RPS6KA2: variants seen among roughly 807,000 people sequenced by gnomAD.
The protein encoded by RPS6KA2 is ribosomal protein S6 kinase alpha-2.
Under a neutral mutation model 91.8 loss-of-function variants are expected in RPS6KA2, and 42 were observed. That is an observed-to-expected ratio of 0.46 (90% CI 0.36 to 0.59). RPS6KA2 has a LOEUF of 0.59. Among genes scored for constraint, RPS6KA2 ranks in the 20% least tolerant of loss-of-function variants. The pLI is 0.00. For synonymous variants in RPS6KA2, 414 were observed against 393.6 expected (o/e 1.05, Z -0.61); for missense variants, 798 against 978.5 (o/e 0.82, Z 2.46).
chr6:166,630,407 G>A (rs1050730969), upstream of RPS6KA2, among the ~76,000 whole-genome samples: 5 of 152,344 alleles, frequency 3.3e-5, no homozygotes, highest in South Asian at 2.1e-4. Context: ...TCAATAAAAC[G>A]CTAAATTGCA....
At chr6:166,440,550 C>A (rs1207252091) in intron 14 of RPS6KA2, among the ~76,000 whole-genome samples, 2 of 152,222 alleles carry the variant, frequency 1.3e-5, no homozygotes, top group Non-Finnish European at 2.9e-5. Flanking sequence ...ATATCAGAAT[C>A]ATCTGAATCA....
At chr6:166,440,175 A>G (rs2128450243) in intron 14 of RPS6KA2, 1 of 152,350 alleles carries the variant, frequency 6.6e-6, no homozygotes, top group South Asian at 2.1e-4. Context: ...ATAGGAAACT[A>G]GCCTGTGTTG....
chr6:166,508,134 C>G lies in RPS6KA2; in HGVS notation c.459+69G>C. ...GCTCACGTCCTCTCAATGCTCTCCA[C>G]CCCTCCTCCCCTCGAGTCCCAGACA... On this transcript the variant is annotated intron_variant, in intron 5 of 20. Coordinates refer to ENST00000265678, the MANE Select transcript of RPS6KA2 (RefSeq NM_021135.6). This position sits in a 1 kb window ranked among gnomAD's most constrained non-coding sequence, Gnocchi z 4.3. 2.0e-6 allele frequency: 2 copies of G among 997,716 alleles called. No individual in the cohort carries two copies. The highest frequency in any genetic ancestry group is 1.6e-6 in the Non-Finnish European group (1 of 636,580). The allele number at this position is 997,716 out of a possible 1,614,324, so 61.8% of individuals were successfully genotyped here. A position where few individuals can be genotyped will look rare whatever the true frequency, so the allele number is the denominator to read the frequency against.
intron 2 of RPS6KA2, among the ~76,000 whole-genome samples, chr6:166,641,096 G>A (rs1353717335): frequency 6.6e-6 from 1 of 152,124 alleles, no homozygotes; most frequent in Non-Finnish European, 1.5e-5. Flanking sequence ...GCAAATGTAA[G>A]TACAATCAGG....
intron 1 of RPS6KA2, among the ~76,000 whole-genome samples, chr6:166,578,429 G>A (rs149715093): frequency 1.6e-3 from 243 of 152,342 alleles, no homozygotes; most frequent in Admixed American, 3.0e-3. Context: ...TTATGTAGGA[G>A]CTGGGTGACC....
intron 8 of RPS6KA2, among the ~76,000 whole-genome samples, chr6:166,498,153 T>C (rs1260263773): frequency 6.6e-6 from 1 of 152,226 alleles, no homozygotes; most frequent in Non-Finnish European, 1.5e-5. Flanking sequence ...TCTCAGTTTG[T>C]AACTAAGCGC....
At position 166,648,135 on chromosome 6, in the gene RPS6KA2, TGCACACAC is replaced by T. The variant is rs1353849823; in HGVS notation, c.124-109359_124-109352del. 8.2e-6 allele frequency among the ~76,000 whole-genome samples: 1 copy of T among 121,424 alleles called. No individual in the cohort carries two copies. The highest frequency in any genetic ancestry group is 1.7e-5 in the Non-Finnish European group (1 of 58,596). 79.7% of individuals were successfully genotyped at this position (121,424 alleles called of 152,430 possible). ...GCACACACACGCTCATACACATACA[TGCACACAC>T]GCACATGGTTACACACCCATGCACA... On this transcript the variant is annotated intron_variant, in intron 2 of 21. Transcript: ENST00000503859. This position sits in a 1 kb window ranked among gnomAD's most constrained non-coding sequence, Gnocchi z 4.8.
intron 12 of RPS6KA2, among the ~76,000 whole-genome samples, chr6:166,456,535 A>C (rs1023977726): frequency 6.6e-6 from 1 of 152,242 alleles, no homozygotes; most frequent in Non-Finnish European, 1.5e-5. Context: ...GGGGCAGCCA[A>C]GGTGTGATCA....
chr6:166,532,282 G>A (rs80267189), intron 2 of RPS6KA2, among the ~76,000 whole-genome samples: 1 of 152,220 alleles, frequency 6.6e-6, no homozygotes, highest in African/African-American at 2.4e-5. Context: ...ATGGGCAGAG[G>A]GACATGGCTG....
chr6:166,698,423 T>C (rs941598673), intron 2 of RPS6KA2, among the ~76,000 whole-genome samples: 2 of 152,008 alleles, frequency 1.3e-5, no homozygotes, highest in African/African-American at 4.8e-5. Flanking sequence ...ATGGAGAAGG[T>C]TGAAAACAGT....
In RPS6KA2 at chr6:166,488,863, G is replaced by C. The variant is rs750322063; in HGVS notation, c.877C>G (p.Leu293Val). The C allele has an allele frequency of 1.2e-6, 2 of 1,613,754 alleles. No individual in the cohort carries two copies. Among genetic ancestry groups the C allele is most frequent in the South Asian group, 1.1e-5 (1 of 90,986 alleles). The change falls in exon 10 of 21, where the codon CTC (leucine) becomes GTC (valine). Residue 293 changes from leucine to valine, a missense_variant. Transcript: ENST00000265678. ...SGEAQSLLRA[L>V]FKRNPCNRLG... ...CGGTTGCAGGGGTTCCGTTTGAAGA[G>C]AGCTCGCAGCAAACTCTGTGCCTCC...
intron 1 of RPS6KA2, among the ~76,000 whole-genome samples, chr6:166,615,153 T>C (rs536249209): frequency 1.6e-4 from 24 of 152,330 alleles, no homozygotes; most frequent in African/African-American, 4.8e-4. Flanking sequence ...CATTGTTCAT[T>C]AGCACCTTTT....
At chr6:166,677,490 A>G (rs935957500) in intron 2 of RPS6KA2, among the ~76,000 whole-genome samples, 5 of 151,746 alleles carry the variant, frequency 3.3e-5, no homozygotes, top group Non-Finnish European at 7.4e-5. Flanking sequence ...CCTTCCGAGT[A>G]GCTGGGACTA....
intron 1 of RPS6KA2, among the ~76,000 whole-genome samples, chr6:166,573,909 T>C (rs983960663): frequency 6.6e-6 from 1 of 152,146 alleles, no homozygotes; most frequent in Admixed American, 6.5e-5. Flanking sequence ...GTGTGTCAGA[T>C]GCAGCAAATC....
chr6:166,492,361 A>G (rs3817777), intron 8 of RPS6KA2, among the ~76,000 whole-genome samples: 82,734 of 151,932 alleles, frequency 0.54, 23,282 homozygotes, highest in African/African-American at 0.69. Context: ...GTAATTAAAC[A>G]GGAAAGGCCA....
chr6:166,823,902 T>C (rs553492752), intron 2 of RPS6KA2, among the ~76,000 whole-genome samples: 18 of 152,192 alleles, frequency 1.2e-4, no homozygotes, highest in Non-Finnish European at 2.6e-4. Context: ...ATACGTGGGA[T>C]AGTATGCTCA....
At chr6:166,413,671 T>G in intron 20 of RPS6KA2, 123 bp downstream of exon 20, 1 of 1,006,660 alleles carries the variant, frequency 9.9e-7, no homozygotes. Context: ...GGCGGTGCAG[T>G]TTGGGGCTGC....
intron 3 of RPS6KA2, among the ~76,000 whole-genome samples, chr6:166,528,405 T>C (rs1238689877): frequency 6.6e-6 from 1 of 151,884 alleles, no homozygotes; most frequent in Admixed American, 6.6e-5. Context: ...TTACACCTTA[T>C]ACAAAAATTA....
intron 1 of RPS6KA2, among the ~76,000 whole-genome samples, chr6:166,578,580 AC>A (rs1218636119): frequency 6.6e-6 from 1 of 152,236 alleles, no homozygotes. Context: ...ACTACTGATG[AC>A]AATAACACAG....
Sources: gnomAD v4.1 joint callset for allele counts (sites outside exome capture counted in the v4.1 genomes callset) on GRCh38, gnomAD v4.1.1 for gene constraint, Gnocchi (gnomAD v3.1) non-coding constraint, MANE v1.5 for transcripts, NCBI Gene and HGNC (gene_info 2026-07-23, HGNC 2026-07-21) for gene names.